The following EPHA10 variants were observed in gnomAD, a reference collection of about 807,000 sequenced individuals.
EPHA10 encodes ephrin type-A receptor 10.
EPHA10 carries 120 observed loss-of-function variants against 109.7 expected under a neutral mutation model. The observed-to-expected ratio is 1.09, with a 90% confidence interval of 0.94 to 1.27. EPHA10 has a LOEUF of 1.27. Among genes scored for constraint, EPHA10 ranks in the 50% most tolerant of loss-of-function variants. EPHA10 has a pLI of 0.00. For missense variants in EPHA10, 1,396 were observed against 1,411.1 expected, an observed-to-expected ratio of 0.99 and a Z score of 0.17; for synonymous variants, 640 against 618.9, an observed-to-expected ratio of 1.03 and a Z score of -0.51.
At chr1:37,750,796 T>C (rs1430489949) in intron 5 of EPHA10, among the ~76,000 whole-genome samples, 1 of 151,904 alleles carries the variant, frequency 6.6e-6, no homozygotes, top group Non-Finnish European at 1.5e-5. Context: ...GCTCCTGGCC[T>C]CAGGCTCCCA....
intron 3 of EPHA10, among the ~76,000 whole-genome samples, chr1:37,756,041 C>A (rs147978412): frequency 6.6e-6 from 1 of 152,120 alleles, no homozygotes; most frequent in Non-Finnish European, 1.5e-5. Context: ...CCATCTTGCC[C>A]AGAGTTCTGG....
At chr1:37,759,706 C>G (rs190468946) in intron 3 of EPHA10, among the ~76,000 whole-genome samples, 53 of 152,152 alleles carry the variant, frequency 3.5e-4, no homozygotes, top group Non-Finnish European at 6.0e-4. Flanking sequence ...ATGCTTGAAA[C>G]CAAGAACTCC....
At chr1:37,719,680 GCACA>G (rs1384410173) in intron 14 of EPHA10, 73 bp from the exon 15 acceptor site, 37 of 1,522,180 alleles carry the variant, frequency 2.4e-5, no homozygotes, top group Middle Eastern at 2.3e-4. Context: ...ACACACACAT[GCACA>G]CACACAGACA....
In EPHA10 at chr1:37,723,053, T is replaced by C; in HGVS notation, c.1948A>G (p.Ser650Gly). 6.2e-7 allele frequency: 1 copy of C among 1,614,088 alleles called. No individual in the cohort carries two copies. Among genetic ancestry groups the C allele is most frequent in the South Asian group, 1.1e-5 (1 of 91,082 alleles). Residue 650 changes from serine (S) to glycine (G), a missense_variant, in exon 10 of 17, where the codon AGC (serine) becomes GGC (glycine). By Grantham distance (56) the Ser-to-Gly change is moderately conservative (BLOSUM62 0). Coordinates refer to ENST00000373048, the MANE Select transcript of EPHA10 (RefSeq NM_001099439.2). ...GCGCCCAGCTTGCCTCCTCCAAGGCTCCTCTCCAGCGTGACGCTTTTCGCA... is the reference window on the plus strand; with the variant it reads ...GCGCCCAGCTTGCCTCCTCCAAGGCCCCTCTCCAGCGTGACGCTTTTCGCA... ...LDAKSVTLERSLGGGRFGELC... is the reference protein window; with the variant it reads ...LDAKSVTLERGLGGGRFGELC...
At position 37,764,433 on chromosome 1, in the gene EPHA10, G is replaced by A. The variant is rs1023958518; in HGVS notation, c.106+528C>T. Among the ~76,000 whole-genome samples the A allele has an allele frequency of 6.6e-6, 1 of 152,218 alleles. No individual in the cohort carries two copies. Among genetic ancestry groups the A allele is most frequent in the Non-Finnish European group, 1.5e-5 (1 of 68,036 alleles). On this transcript the variant is annotated intron_variant, in intron 1 of 16. Transcript: ENST00000373048. This position sits in a 1 kb window ranked among gnomAD's most constrained non-coding sequence, Gnocchi z 5.8. ...AGCCTCAAACCCGGCAACGCGGAGC[G>A]CGCCCGGCAGACTACGCTCAGAATT...
At chr1:37,721,089 C>G (rs56384148) in intron 11 of EPHA10, among the ~76,000 whole-genome samples, 2 of 151,964 alleles carry the variant, frequency 1.3e-5, no homozygotes, top group African/African-American at 4.8e-5. Flanking sequence ...ATCACTCTTT[C>G]TAGGAGTGAT....
At chr1:37,760,243 G>A in intron 3 of EPHA10, 1 of 1,015,700 alleles carries the variant, frequency 9.8e-7, no homozygotes, top group African/African-American at 1.7e-5. Flanking sequence ...ACTCATTTCT[G>A]TTGCCCTGGC....
At chr1:37,727,685 A>G (rs960094118) in intron 7 of EPHA10, among the ~76,000 whole-genome samples, 3 of 152,244 alleles carry the variant, frequency 2.0e-5, no homozygotes, top group Admixed American at 2.0e-4. Flanking sequence ...ACAATAATCC[A>G]GGAAGGTATT....
In EPHA10 at chr1:37,727,166, C is replaced by A; in HGVS notation, c.1708G>T (p.Val570Leu). ...ACGAGGAGGGCCGAGATGGTCACTA[C>A]GGTGACGACAATGGCGGGGCTCTGG... Reference protein sequence around the residue: ...RDQSPAIVVTVVTISALLVLG... With the variant: ...RDQSPAIVVTLVTISALLVLG... The change falls in exon 8 of 17, where the codon GTA (valine) becomes TTA (leucine). Residue 570 changes from valine (V) to leucine (L), a missense_variant. Coordinates refer to ENST00000373048, the MANE Select transcript of EPHA10 (RefSeq NM_001099439.2). 3 of 1,612,480 alleles carry A rather than the reference C, an allele frequency of 1.9e-6. No homozygotes were observed. The highest frequency in any genetic ancestry group is 3.3e-4 in the Middle Eastern group (2 of 6,054).
At chr1:37,730,422 T>C (rs1417142810) in intron 7 of EPHA10, among the ~76,000 whole-genome samples, 6 of 152,078 alleles carry the variant, frequency 3.9e-5, no homozygotes, top group East Asian at 1.9e-4. Context: ...TCAGGGCAGA[T>C]AGAGGTGAGA....
rs544622181 is a variant in EPHA10 at position 37,718,293 on chromosome 1, C to T, written c.*79G>A. ...AGCGCTCCCTCCCACACTGCTGGAG[C>T]GCAGCTTGCCACGGTCCTTGGGCAG... On this transcript the variant is annotated 3_prime_UTR_variant, in exon 17 of 17. Coordinates refer to ENST00000373048, the MANE Select transcript of EPHA10 (RefSeq NM_001099439.2). 509 of 1,251,186 alleles carry T rather than the reference C, an allele frequency of 4.1e-4. 2 individuals are homozygous for T. The African/African-American group carries it at 6.7e-3, about 16-fold the overall frequency. The allele number at this position is 1,251,186 out of a possible 1,614,324, so 77.5% of individuals were successfully genotyped here.
At chr1:37,720,592 T>C in intron 12 of EPHA10, 38 bp from the exon 13 acceptor site, 1 of 1,582,156 alleles carries the variant, frequency 6.3e-7, no homozygotes, top group South Asian at 1.1e-5. Flanking sequence ...GCTGTGCGCT[T>C]GGATCCCCTG....
At chr1:37,736,428 G>A (rs628291) in intron 5 of EPHA10, among the ~76,000 whole-genome samples, 113,885 of 143,988 alleles carry the variant, frequency 0.79, 45,140 homozygotes, top group Admixed American at 0.85. Flanking sequence ...GTGAGCTGAG[G>A]TCGTGCCATT....
downstream of EPHA10, among the ~76,000 whole-genome samples, chr1:37,715,222 G>T (rs907240639): frequency 1.3e-5 from 2 of 152,012 alleles, no homozygotes; most frequent in African/African-American, 2.4e-5. Context: ...TAGAGATGGG[G>T]TTTCACCATG....
Position 37,754,333 on chromosome 1 carries a change from C to T in EPHA10, c.888G>A (p.Arg296=). The part of the protein sequence containing the change: ...PPGFYKVSPR[R]PLCSPCPEHS... ...GCTCTGGGCACGGTGAGCAGAGGGG[C>T]CGCCGCGGGGACACCTTGTAAAACC... Residue 296 remains arginine (R), a synonymous_variant, in exon 4 of 17, where the codon CGG becomes CGA. Coordinates refer to ENST00000373048, the MANE Select transcript of EPHA10 (RefSeq NM_001099439.2). This position sits in a 1 kb window ranked among gnomAD's most constrained non-coding sequence, Gnocchi z 4.5. 7.6e-7 allele frequency: 1 copy of T among 1,311,162 alleles called. No homozygotes were observed. Among genetic ancestry groups the T allele is most frequent in the Non-Finnish European group, 9.8e-7 (1 of 1,024,018 alleles). 81.2% of individuals were successfully genotyped at this position (1,311,162 alleles called of 1,614,324 possible). A position where few individuals can be genotyped will look rare whatever the true frequency, so the allele number is the denominator to read the frequency against.
chr1:37,761,383 C>T (rs1422979191), intron 3 of EPHA10, 22 bp downstream of exon 3: 6 of 1,598,594 alleles, frequency 3.8e-6, no homozygotes, highest in Non-Finnish European at 5.1e-6. Context: ...TCCCACCCCA[C>T]GGCCCCCAGC....
At chr1:37,736,404 A>T (rs1360627100) in intron 5 of EPHA10, among the ~76,000 whole-genome samples, 1 of 135,932 alleles carries the variant, frequency 7.4e-6, no homozygotes. Flanking sequence ...TGAACCCGGG[A>T]GGTGGAGGTT....
At chr1:37,719,076 CTGGT>C in intron 15 of EPHA10, 1 of 599,460 alleles carries the variant, frequency 1.7e-6, no homozygotes, top group Non-Finnish European at 3.0e-6. Context: ...ACGCCTAGGA[CTGGT>C]TGGTGACTCA....
chr1:37,720,170 C>A (rs955474166), intron 13 of EPHA10, 112 bp from the exon 14 acceptor site: 3 of 1,465,192 alleles, frequency 2.0e-6, no homozygotes, highest in African/African-American at 1.4e-5. Flanking sequence ...CAACCCCCAA[C>A]TCCAGCTTCA....
Sources: allele counts gnomAD v4.1 joint callset (sites outside exome capture counted in the v4.1 genomes callset), GRCh38; gene constraint gnomAD v4.1.1; non-coding constraint Gnocchi (gnomAD v3.1); transcripts MANE v1.5; gene names NCBI Gene and HGNC (gene_info 2026-07-23, HGNC 2026-07-21).